LRRTM4: variants seen among roughly 807,000 people sequenced by gnomAD.
The protein encoded by LRRTM4 is leucine rich repeat transmembrane neuronal 4.
Under a neutral mutation model 47.6 loss-of-function variants are expected in LRRTM4, and 25 were observed. The ratio of observed to expected loss-of-function variants is 0.53; its 90% confidence interval spans 0.38 to 0.73. LRRTM4 has a LOEUF of 0.73. LRRTM4 is among the 30% of genes least tolerant of loss of function. The pLI is 0.00. For missense variants in LRRTM4, 638 were observed against 713.4 expected, an observed-to-expected ratio of 0.89 and a Z score of 1.20; for synonymous variants, 311 against 269.5, an observed-to-expected ratio of 1.15 and a Z score of -1.51.
intron 3 of LRRTM4, among the ~76,000 whole-genome samples, chr2:77,121,995 C>T (rs1220764035): frequency 1.3e-5 from 2 of 151,794 alleles, no homozygotes; most frequent in African/African-American, 4.8e-5. Flanking sequence ...TAGGTTGCCA[C>T]TGCTATTGTT....
At chr2:77,077,398 G>T (rs551018926) in intron 3 of LRRTM4, among the ~76,000 whole-genome samples, 10 of 152,236 alleles carry the variant, frequency 6.6e-5, no homozygotes, top group Admixed American at 3.9e-4. Context: ...CTAATAGATA[G>T]TACAAGTCAG....
chr2:77,208,046 T>G (rs1026117319), intron 3 of LRRTM4, among the ~76,000 whole-genome samples: 3 of 151,678 alleles, frequency 2.0e-5, no homozygotes, highest in Non-Finnish European at 2.9e-5. Flanking sequence ...GCTCAGCTAA[T>G]TTTCGTATTT....
intron 3 of LRRTM4, among the ~76,000 whole-genome samples, chr2:77,192,590 A>AT (rs1210837221): frequency 2.0e-5 from 3 of 151,890 alleles, no homozygotes; most frequent in Admixed American, 6.6e-5. Flanking sequence ...CACTAAACCT[A>AT]TTTTTTTGGT....
At chr2:77,338,260 C>T (rs1379590476) in intron 3 of LRRTM4, among the ~76,000 whole-genome samples, 1 of 151,908 alleles carries the variant, frequency 6.6e-6, no homozygotes, top group East Asian at 1.9e-4. Context: ...TTCAACTAAA[C>T]AGCTTCTGCA....
intron 3 of LRRTM4, among the ~76,000 whole-genome samples, chr2:77,487,057 G>T (rs948134134): frequency 2.0e-5 from 3 of 152,168 alleles, no homozygotes; most frequent in Admixed American, 1.3e-4. Flanking sequence ...TTAAATAGAA[G>T]TAATGGCAGC....
intron 3 of LRRTM4, among the ~76,000 whole-genome samples, chr2:77,133,798 T>C (rs780167292): frequency 6.6e-6 from 1 of 152,218 alleles, no homozygotes; most frequent in Non-Finnish European, 1.5e-5. Flanking sequence ...ACCTTGACTC[T>C]TCAGGCATGA....
At chr2:77,159,552 T>A (rs901961763) in intron 3 of LRRTM4, among the ~76,000 whole-genome samples, 1 of 148,356 alleles carries the variant, frequency 6.7e-6, no homozygotes. Flanking sequence ...AAAAAGGAAA[T>A]CATAAGGAAG....
chr2:77,273,972 CT>C (rs549722143), intron 3 of LRRTM4, among the ~76,000 whole-genome samples: 383 of 151,828 alleles, frequency 2.5e-3, no homozygotes, highest in South Asian at 0.011. Flanking sequence ...TCATGAAATC[CT>C]TTTTTTTAAG....
chr2:77,505,077 G>C (rs1415025013), intron 3 of LRRTM4, among the ~76,000 whole-genome samples: 1 of 151,028 alleles, frequency 6.6e-6, no homozygotes. Flanking sequence ...ATAATATTAA[G>C]ATCTCTTTTT....
At chr2:77,499,966 T>C (rs1678510106) in intron 3 of LRRTM4, among the ~76,000 whole-genome samples, 1 of 151,664 alleles carries the variant, frequency 6.6e-6, no homozygotes. Context: ...TAAGATCTAG[T>C]GGAGCCCAAC....
intron 3 of LRRTM4, among the ~76,000 whole-genome samples, chr2:76,838,215 G>A (rs947327633): frequency 6.6e-5 from 10 of 151,852 alleles, no homozygotes; most frequent in East Asian, 1.9e-4. Context: ...AAAGAGGTAC[G>A]TAATCACATA....
At chr2:76,984,763 C>A (rs1676735123) in intron 3 of LRRTM4, among the ~76,000 whole-genome samples, 1 of 152,032 alleles carries the variant, frequency 6.6e-6, no homozygotes, top group Admixed American at 6.6e-5. Context: ...GGAGAATAAA[C>A]TCCTACTTGT....
chr2:77,239,550 T>TA (rs1675201000), intron 3 of LRRTM4, among the ~76,000 whole-genome samples: 1 of 151,890 alleles, frequency 6.6e-6, no homozygotes, highest in Admixed American at 6.6e-5. Context: ...AAAGTTGTTT[T>TA]AAATATGAAG....
At chr2:77,155,630 AAGACCTTCCTAGC>A (rs1672540576) in intron 3 of LRRTM4, among the ~76,000 whole-genome samples, 1 of 152,048 alleles carries the variant, frequency 6.6e-6, no homozygotes, top group Non-Finnish European at 1.5e-5. Context: ...GTGGGGGAGA[AAGACCTTCCTAGC>A]AGACAGGAAT....
chr2:77,384,413 G>A (rs1673183233), intron 3 of LRRTM4, among the ~76,000 whole-genome samples: 3 of 151,600 alleles, frequency 2.0e-5, no homozygotes, highest in Admixed American at 2.0e-4. Flanking sequence ...CAGTGTATTA[G>A]GATATTATAA....
At chr2:77,037,659 T>C (rs1288776120) in intron 3 of LRRTM4, among the ~76,000 whole-genome samples, 1 of 151,770 alleles carries the variant, frequency 6.6e-6, no homozygotes, top group East Asian at 1.9e-4. Context: ...AGAAGAAATA[T>C]TTAAAATGTG....
At chr2:77,434,166 TAG>T (rs930152770) in intron 3 of LRRTM4, among the ~76,000 whole-genome samples, 2 of 151,784 alleles carry the variant, frequency 1.3e-5, no homozygotes, top group African/African-American at 4.8e-5. Context: ...CTTAAAGCTG[TAG>T]AGAGTGACAT....
intron 3 of LRRTM4, among the ~76,000 whole-genome samples, chr2:76,774,003 G>A (rs1419549866): frequency 6.6e-6 from 1 of 151,968 alleles, no homozygotes; most frequent in East Asian, 1.9e-4. Flanking sequence ...ACAATGTGCG[G>A]ATGAAAGACA....
At chr2:77,454,557 A>G (rs1361924226) in intron 3 of LRRTM4, among the ~76,000 whole-genome samples, 1 of 152,200 alleles carries the variant, frequency 6.6e-6, no homozygotes, top group Non-Finnish European at 1.5e-5. Context: ...ACTCAGGTTT[A>G]GCGTAAATCC....
Sources: gnomAD v4.1 joint callset for allele counts (sites outside exome capture counted in the v4.1 genomes callset) on GRCh38, gnomAD v4.1.1 for gene constraint, MANE v1.5 for transcripts, NCBI Gene and HGNC (gene_info 2026-07-23, HGNC 2026-07-21) for gene names.